Variants in SLC4A10 observed in about 807,000 individuals in gnomAD.
The protein encoded by SLC4A10 is solute carrier family 4 member 10.
In SLC4A10, 42 loss-of-function variants were observed where a neutral mutation model predicts 137.7. The observed-to-expected ratio is 0.30, with a 90% confidence interval of 0.24 to 0.39. The LOEUF (loss-of-function observed/expected upper bound fraction) is 0.39. Ranked by LOEUF, SLC4A10 falls within the 10% of genes least tolerant of loss-of-function variation. SLC4A10 has a pLI of 1.00. For missense variants in SLC4A10, 925 were observed against 1,355.0 expected (o/e 0.68, Z 4.98); for synonymous variants, 474 against 464.1 (o/e 1.02, Z -0.27).
At chr2:161,850,392 A>AAAAAT (rs998385676) in intron 4 of SLC4A10, among the ~76,000 whole-genome samples, 6 of 152,146 alleles carry the variant, frequency 3.9e-5, no homozygotes, top group Admixed American at 2.0e-4. Context: ...TCTGTCTCAA[A>AAAAAT]AAAATAAAAT....
chr2:161,713,954 T>C (rs2044571981), intron 1 of SLC4A10, among the ~76,000 whole-genome samples: 1 of 151,680 alleles, frequency 6.6e-6, no homozygotes, highest in African/African-American at 2.4e-5. Context: ...AAGACGTCAT[T>C]TGTACATGGT....
intron 3 of SLC4A10, among the ~76,000 whole-genome samples, chr2:161,825,023 T>C (rs747753292): frequency 2.3e-4 from 35 of 152,148 alleles, no homozygotes; most frequent in Non-Finnish European, 8.8e-5. Context: ...GTAGTAAATA[T>C]ATTTTCTCTT....
chr2:161,862,800 G>C, intron 5 of SLC4A10, 74 bp from the exon 6 acceptor site: 4 of 1,193,158 alleles, frequency 3.4e-6, no homozygotes, highest in Non-Finnish European at 4.4e-6. Context: ...TGCATATTTG[G>C]ACTCAGTGGT....
At chr2:161,638,914 A>G (rs985259036) in intron 1 of SLC4A10, among the ~76,000 whole-genome samples, 1 of 151,960 alleles carries the variant, frequency 6.6e-6, no homozygotes, top group Non-Finnish European at 1.5e-5. Context: ...AATTAAGAAA[A>G]AAAGAAAGAC....
At chr2:161,693,458 A>G (rs1009577084) in intron 1 of SLC4A10, among the ~76,000 whole-genome samples, 1 of 152,034 alleles carries the variant, frequency 6.6e-6, no homozygotes, top group Non-Finnish European at 1.5e-5. Flanking sequence ...CTGTGGGCCA[A>G]CTGTGCTCAT....
At chr2:161,770,934 G>T (rs371820323) in intron 1 of SLC4A10, 39 bp from the exon 2 acceptor site, 1 of 1,406,918 alleles carries the variant, frequency 7.1e-7, no homozygotes, top group East Asian at 2.3e-5. Context: ...GAGATAATAT[G>T]TGTGTTATCA....
intron 3 of SLC4A10, among the ~76,000 whole-genome samples, chr2:161,813,281 G>A (rs1049304845): frequency 2.0e-5 from 3 of 151,912 alleles, no homozygotes; most frequent in Non-Finnish European, 2.9e-5. Flanking sequence ...TCTTAAGATT[G>A]CTTAATGAGG....
intron 1 of SLC4A10, among the ~76,000 whole-genome samples, chr2:161,729,969 G>A (rs924735975): frequency 2.6e-5 from 4 of 152,052 alleles, no homozygotes; most frequent in East Asian, 3.8e-4. Context: ...ATATAAAGCC[G>A]GCCAAGATAA....
intron 3 of SLC4A10, among the ~76,000 whole-genome samples, chr2:161,815,112 C>A (rs1403195039): frequency 6.6e-6 from 1 of 152,060 alleles, no homozygotes; most frequent in Non-Finnish European, 1.5e-5. Context: ...GAATCTCAGG[C>A]CCCATCCAGA....
chr2:161,966,137 A>C (rs1697532645), intron 23 of SLC4A10, among the ~76,000 whole-genome samples: 1 of 152,206 alleles, frequency 6.6e-6, no homozygotes, highest in South Asian at 2.1e-4. Context: ...TAATGAGGTC[A>C]GATCAGGCCA....
At chr2:161,940,557 G>A (rs75711413) in intron 15 of SLC4A10, among the ~76,000 whole-genome samples, 3,880 of 152,216 alleles carry the variant, frequency 0.025, 72 homozygotes, top group African/African-American at 0.051. Flanking sequence ...CTGAAGCCGC[G>A]CGTCAGAGAT....
intron 1 of SLC4A10, among the ~76,000 whole-genome samples, chr2:161,767,131 ATATATATATGTG>A (rs2050929010): frequency 3.5e-5 from 3 of 85,114 alleles, no homozygotes; most frequent in African/African-American, 1.0e-4. Flanking sequence ...ATATATATAT[ATATATATATGTG>A]TGTGTGTGTG....
intron 15 of SLC4A10, among the ~76,000 whole-genome samples, chr2:161,915,099 ACT>A (rs1394580196): frequency 6.6e-6 from 1 of 152,078 alleles, no homozygotes; most frequent in Admixed American, 6.6e-5. Flanking sequence ...AAGACCCCAG[ACT>A]CAGCCAGTAG....
chr2:161,653,415 G>A (rs2037081558), intron 1 of SLC4A10, among the ~76,000 whole-genome samples: 2 of 152,116 alleles, frequency 1.3e-5, no homozygotes, highest in Admixed American at 6.6e-5. Context: ...GATCCTTGAG[G>A]AATCACCACA....
At chr2:161,958,316 G>A (rs1234367920) in intron 20 of SLC4A10, among the ~76,000 whole-genome samples, 171 bp from the exon 21 acceptor site, 1 of 152,070 alleles carries the variant, frequency 6.6e-6, no homozygotes. Context: ...CTTACCTAAG[G>A]TTACACAGCT....
At chr2:161,708,822 G>C (rs1382276262) in intron 1 of SLC4A10, 1 of 1,532,194 alleles carries the variant, frequency 6.5e-7, no homozygotes, top group South Asian at 1.2e-5. Flanking sequence ...CAATCTCTAA[G>C]TCATCAGGTA....
At chr2:161,945,018 C>T (rs1693479157) in intron 16 of SLC4A10, among the ~76,000 whole-genome samples, 1 of 150,808 alleles carries the variant, frequency 6.6e-6, no homozygotes, top group Non-Finnish European at 1.5e-5. Flanking sequence ...ACCTTGCCAA[C>T]TCAGCAAGGG....
chr2:161,919,679 G>T (rs1687774249), intron 15 of SLC4A10, among the ~76,000 whole-genome samples: 3 of 152,104 alleles, frequency 2.0e-5, no homozygotes, highest in Non-Finnish European at 4.4e-5. Context: ...TCACCCTCTA[G>T]TTGTCTGCAT....
intron 15 of SLC4A10, among the ~76,000 whole-genome samples, chr2:161,937,790 A>G (rs182914324): frequency 3.3e-5 from 5 of 152,284 alleles, no homozygotes; most frequent in Admixed American, 2.6e-4. Flanking sequence ...AACATGTGGA[A>G]CAAAACTTAC....
Sources: gnomAD v4.1 joint callset for allele counts (sites outside exome capture counted in the v4.1 genomes callset) on GRCh38, gnomAD v4.1.1 for gene constraint, MANE v1.5 for transcripts, NCBI Gene and HGNC (gene_info 2026-07-23, HGNC 2026-07-21) for gene names.